CFTR: variants seen among roughly 807,000 people sequenced by gnomAD.
CFTR encodes the protein cystic fibrosis transmembrane conductance regulator.
CFTR carries 181 observed loss-of-function variants against 171.6 expected under a neutral mutation model. The observed-to-expected ratio is 1.05, with a 90% CI of 0.93 to 1.19. The LOEUF (loss-of-function observed/expected upper bound fraction) is 1.19, where lower values mean the gene tolerates loss of function less well. Ranked by LOEUF, CFTR falls within the 50% of genes most tolerant of loss-of-function variation. The pLI is 0.00. For synonymous variants in CFTR, 583 were observed against 608.0 expected, an observed-to-expected ratio of 0.96 and a Z score of 0.60; for missense variants, 1,968 against 1,734.7, an observed-to-expected ratio of 1.13 and a Z score of -2.39.
chr7:117,662,499 G>A (rs1793308087), intron 24 of CFTR, among the ~76,000 whole-genome samples: 1 of 152,184 alleles, frequency 6.6e-6, no homozygotes, highest in Non-Finnish European at 1.5e-5. Flanking sequence ...AAGGTGTTTA[G>A]GGAACTACAA....
intron 23 of CFTR, among the ~76,000 whole-genome samples, chr7:117,650,264 C>G (rs911254449): frequency 3.3e-5 from 5 of 152,110 alleles, no homozygotes; most frequent in Admixed American, 1.3e-4. Flanking sequence ...GGCTCTTGCC[C>G]TGCTCCAGAT....
intron 23 of CFTR, among the ~76,000 whole-genome samples, chr7:117,643,696 G>T (rs543927142): frequency 9.2e-5 from 14 of 152,254 alleles, no homozygotes; most frequent in African/African-American, 3.4e-4. Flanking sequence ...AGTATCCCAA[G>T]GTGATAGCAT....
intron 23 of CFTR, among the ~76,000 whole-genome samples, chr7:117,648,388 C>G (rs1297621864): frequency 6.6e-6 from 1 of 152,178 alleles, no homozygotes; most frequent in African/African-American, 2.4e-5. Context: ...TATAGCCTCA[C>G]GTGTTGCCAC....
chr7:117,540,092 T>C lies in CFTR; in HGVS notation c.870-8T>C. ...CATCCTGAATTTTATTGTTATTGTTTTTTATAGAACAGAACTGAAACTGAC... is the reference window on the plus strand; with the variant it reads ...CATCCTGAATTTTATTGTTATTGTTCTTTATAGAACAGAACTGAAACTGAC... On this transcript the variant is annotated splice_region_variant and splice_polypyrimidine_tract_variant and intron_variant, in intron 7 of 26. Coordinates refer to ENST00000003084, the MANE Select transcript of CFTR (RefSeq NM_000492.4). The C allele has an allele frequency of 6.2e-7, 1 of 1,609,200 alleles. No homozygotes were observed. Among genetic ancestry groups the C allele is most frequent in the Admixed American group, 1.7e-5 (1 of 59,922 alleles).
intron 11 of CFTR, among the ~76,000 whole-genome samples, chr7:117,573,043 TCTCTCTCTCTCTCTTG>T (rs968292306): frequency 8.3e-5 from 12 of 144,452 alleles, no homozygotes; most frequent in Non-Finnish European, 7.8e-5. Flanking sequence ...CCTTTCTCTC[TCTCTCTCTCTCTCTTG>T]CTCTCTCTCT....
Position 117,610,652 on chromosome 7 carries a change from A to G in CFTR, c.3122A>G (p.Lys1041Arg), listed in dbSNP as rs1562914220. ...AYFLQTSQQL[K>R]QLESEGRSPI... ...TTCCTCCAAACCTCACAGCAACTCA[A>G]ACAACTGGAATCTGAAGGTATGACA... Residue 1041 changes from lysine to arginine, a missense_variant, in exon 19 of 27, where the codon AAA becomes AGA. Transcript: ENST00000003084. The G allele has an allele frequency of 1.2e-6, 2 of 1,613,518 alleles. No individual in the cohort carries two copies. The highest frequency in any genetic ancestry group is 2.2e-5 in the South Asian group (2 of 91,072).
chr7:117,602,563 G>A (rs1792242319), intron 15 of CFTR, among the ~76,000 whole-genome samples: 1 of 152,164 alleles, frequency 6.6e-6, no homozygotes, highest in South Asian at 2.1e-4. Context: ...AGTTTCTATT[G>A]AGTAAAGGAG....
intron 11 of CFTR, among the ~76,000 whole-genome samples, chr7:117,574,953 G>A (rs560360685): frequency 1.3e-5 from 2 of 151,618 alleles, no homozygotes; most frequent in African/African-American, 4.8e-5. Context: ...TTTTTTCATT[G>A]TTGTTTTGTA....
At chr7:117,630,472 A>G (rs1441807780) in intron 22 of CFTR, among the ~76,000 whole-genome samples, 2 of 152,178 alleles carry the variant, frequency 1.3e-5, no homozygotes, top group Non-Finnish European at 2.9e-5. Context: ...GGTTCTTGTC[A>G]CATGATCCGG....
chr7:117,568,991 A>G (rs1306031059), intron 11 of CFTR, among the ~76,000 whole-genome samples: 1 of 152,182 alleles, frequency 6.6e-6, no homozygotes, highest in Admixed American at 6.6e-5. Flanking sequence ...GGTGAAAACA[A>G]TGTGTTCCCT....
intron 3 of CFTR, among the ~76,000 whole-genome samples, chr7:117,517,799 A>G (rs556078483): frequency 6.6e-6 from 1 of 151,526 alleles, no homozygotes; most frequent in Non-Finnish European, 1.5e-5. Flanking sequence ...GCATTTCTCT[A>G]ATGACTAGTG....
At chr7:117,655,535 TCTC>T (rs1203947595) in intron 24 of CFTR, among the ~76,000 whole-genome samples, 2 of 152,148 alleles carry the variant, frequency 1.3e-5, no homozygotes, top group African/African-American at 2.4e-5. Flanking sequence ...TCTCTATAGC[TCTC>T]CTCCTCTCTG....
intron 1 of CFTR, among the ~76,000 whole-genome samples, chr7:117,496,838 T>G (rs1307395937): frequency 6.6e-6 from 1 of 152,226 alleles, no homozygotes; most frequent in Non-Finnish European, 1.5e-5. Flanking sequence ...CAACACTTAC[T>G]ATTATCTACT....
intron 24 of CFTR, among the ~76,000 whole-genome samples, chr7:117,663,091 C>A (rs6980032): frequency 0.23 from 34,845 of 151,962 alleles, 4,307 homozygotes; most frequent in South Asian, 0.24. Context: ...CTTGAGATTT[C>A]TAGATGACTA....
chr7:117,577,047 T>C (rs998688934), intron 11 of CFTR, among the ~76,000 whole-genome samples: 2 of 152,116 alleles, frequency 1.3e-5, no homozygotes, highest in Non-Finnish European at 2.9e-5. Context: ...CGCATGACTG[T>C]CAGAGAAGTC....
intron 1 of CFTR, among the ~76,000 whole-genome samples, chr7:117,486,170 G>A (rs570537869): frequency 3.9e-5 from 6 of 152,220 alleles, no homozygotes; most frequent in South Asian, 2.1e-4. Context: ...TGCTAGGTCC[G>A]TAGGATTATT....
chr7:117,499,431 G>A (rs1019118048), intron 1 of CFTR, among the ~76,000 whole-genome samples: 1 of 142,518 alleles, frequency 7.0e-6, no homozygotes, highest in African/African-American at 2.6e-5. Context: ...AGTTTCATCT[G>A]TGTGTGTGTG....
At chr7:117,665,372 A>G (rs1322840586) in intron 25 of CFTR, 87 bp from the exon 26 acceptor site, 8 of 794,856 alleles carry the variant, frequency 1.0e-5, no homozygotes, top group Admixed American at 4.4e-5. Flanking sequence ...ATTTAAAGAG[A>G]TAATAGAACA....
intron 22 of CFTR, among the ~76,000 whole-genome samples, chr7:117,638,677 A>G (rs980644045): frequency 6.6e-6 from 1 of 151,998 alleles, no homozygotes; most frequent in Non-Finnish European, 1.5e-5. Flanking sequence ...TGGAGGTTGC[A>G]GTGAGCTGAG....
Sources: gnomAD v4.1 joint callset for allele counts (sites outside exome capture counted in the v4.1 genomes callset) on GRCh38, gnomAD v4.1.1 for gene constraint, MANE v1.5 for transcripts, NCBI Gene and HGNC (gene_info 2026-07-23, HGNC 2026-07-21) for gene names.